The following CD86 variants were observed in gnomAD, a reference collection of about 807,000 sequenced individuals.
The protein encoded by CD86 is CD86 molecule, also known as T-lymphocyte activation antigen CD86.
CD86 carries 11 observed loss-of-function variants against 32.1 expected under a neutral mutation model. The ratio of observed to expected loss-of-function variants is 0.34; its 90% CI spans 0.22 to 0.57. CD86 has a LOEUF of 0.57. Among genes scored for constraint, CD86 ranks in the 20% least tolerant of loss-of-function variants. CD86 has a pLI of 0.86. For synonymous variants in CD86, 137 were observed against 135.3 expected, an observed-to-expected ratio of 1.01 and a Z score of -0.09; for missense variants, 359 against 398.4, an observed-to-expected ratio of 0.90 and a Z score of 0.84.
At chr3:122,092,273 C>G (rs1329569408) in intron 2 of CD86, 1 of 152,294 alleles carries the variant, frequency 6.6e-6, no homozygotes, top group Non-Finnish European at 1.5e-5. Context: ...TTGCACAACC[C>G]TTTCTAAATC....
chr3:122,099,831 C>A (rs780760127), intron 2 of CD86, among the ~76,000 whole-genome samples: 2 of 152,194 alleles, frequency 1.3e-5, no homozygotes, highest in African/African-American at 4.8e-5. Context: ...TGGTGGCTAT[C>A]ATATTGTTCA....
chr3:122,061,153 C>T (rs182508799), intron 1 of CD86, among the ~76,000 whole-genome samples: 28 of 152,226 alleles, frequency 1.8e-4, no homozygotes, highest in Admixed American at 1.3e-3. Context: ...AGTCAATACA[C>T]GCCAGAAAAT....
At chr3:122,072,552 C>A (rs1259888649) in intron 1 of CD86, among the ~76,000 whole-genome samples, 6 of 152,120 alleles carry the variant, frequency 3.9e-5, no homozygotes, top group African/African-American at 1.4e-4. Flanking sequence ...CTGTTCATAT[C>A]CCTTGCCCAC....
At chr3:122,078,975 A>G (rs2072592707) in intron 1 of CD86, among the ~76,000 whole-genome samples, 1 of 152,216 alleles carries the variant, frequency 6.6e-6, no homozygotes, top group African/African-American at 2.4e-5. Flanking sequence ...TATCCTGTGT[A>G]TAATGGAAGC....
At chr3:122,115,364 C>A (rs1576789027) in intron 5 of CD86, among the ~76,000 whole-genome samples, 1 of 151,914 alleles carries the variant, frequency 6.6e-6, no homozygotes, top group Non-Finnish European at 1.5e-5. Context: ...TTAAAGTAAA[C>A]CAAAATAAAT....
At chr3:122,073,401 G>T (rs1416599470) in intron 1 of CD86, among the ~76,000 whole-genome samples, 2 of 151,890 alleles carry the variant, frequency 1.3e-5, no homozygotes, top group Non-Finnish European at 2.9e-5. Context: ...AGAGTTCATT[G>T]TGTATTTTGG....
intron 5 of CD86, among the ~76,000 whole-genome samples, chr3:122,111,721 C>A (rs987110226): frequency 1.3e-5 from 2 of 152,204 alleles, no homozygotes; most frequent in East Asian, 1.9e-4. Flanking sequence ...GAGCTGAATT[C>A]TGCCAAGAGA....
At chr3:122,069,562 G>T (rs1026324367) in intron 1 of CD86, among the ~76,000 whole-genome samples, 1 of 152,140 alleles carries the variant, frequency 6.6e-6, no homozygotes, top group Non-Finnish European at 1.5e-5. Flanking sequence ...TAGTCTTGCC[G>T]CTAGACTGTG....
intron 1 of CD86, among the ~76,000 whole-genome samples, chr3:122,060,134 AG>A (rs555384823): frequency 1.3e-5 from 2 of 152,210 alleles, no homozygotes; most frequent in Non-Finnish European, 2.9e-5. Flanking sequence ...TAAGTGCATC[AG>A]GGAGGAGGGA....
chr3:122,112,305 T>C (rs2073185899), intron 5 of CD86, among the ~76,000 whole-genome samples: 2 of 151,488 alleles, frequency 1.3e-5, no homozygotes, highest in South Asian at 4.2e-4. Flanking sequence ...ATTATTATTA[T>C]TTTTTTTTAA....
At position 122,119,522 on chromosome 3, in the gene CD86, T is replaced by C. The variant is rs1270259718; in HGVS notation, c.978T>C (p.Asp326=). 6.3e-7 allele frequency: 1 copy of C among 1,590,410 alleles called. No homozygotes were observed. The highest frequency in any genetic ancestry group is 8.6e-7 in the Non-Finnish European group (1 of 1,158,754). Reference sequence around the variant, plus strand: ...AGACATCTTCATGCGACAAAAGTGATACATGTTTTTAATTAAAGAGTAAAG... The same window carrying C: ...AGACATCTTCATGCGACAAAAGTGACACATGTTTTTAATTAAAGAGTAAAG... ...SSKTSSCDKS[D]TCF is the part of the protein sequence containing the mutation. The change falls in exon 7 of 7, where the codon GAT becomes GAC. Residue 326 remains aspartate, a synonymous_variant. Coordinates refer to ENST00000330540, the MANE Select transcript of CD86 (RefSeq NM_175862.5).
intron 1 of CD86, among the ~76,000 whole-genome samples, chr3:122,057,715 G>T (rs971906833): frequency 2.0e-5 from 3 of 152,138 alleles, no homozygotes; most frequent in Non-Finnish European, 4.4e-5. Context: ...TTAGCCCTTT[G>T]CATTTATCTT....
At chr3:122,105,291 T>A (rs1237923288) in intron 3 of CD86, among the ~76,000 whole-genome samples, 1 of 152,250 alleles carries the variant, frequency 6.6e-6, no homozygotes, top group Non-Finnish European at 1.5e-5. Flanking sequence ...AAACACGGTC[T>A]GGCAATTCAC....
intron 1 of CD86, among the ~76,000 whole-genome samples, chr3:122,082,634 T>C (rs2072650354): frequency 6.6e-6 from 1 of 152,236 alleles, no homozygotes; most frequent in Non-Finnish European, 1.5e-5. Context: ...ATTTTTATGT[T>C]TACTATGGAT....
intron 2 of CD86, among the ~76,000 whole-genome samples, chr3:122,094,396 T>C (rs933039270): frequency 6.6e-6 from 1 of 152,236 alleles, no homozygotes; most frequent in African/African-American, 2.4e-5. Flanking sequence ...GTTTAAGTTT[T>C]ATGGTGGTGA....
At chr3:122,097,968 G>A (rs1275448708) in intron 2 of CD86, among the ~76,000 whole-genome samples, 1 of 152,132 alleles carries the variant, frequency 6.6e-6, no homozygotes, top group African/African-American at 2.4e-5. Context: ...CATGACTGGC[G>A]GGAGGCTGAG....
intron 5 of CD86, 95 bp from the exon 6 acceptor site, chr3:122,117,953 C>G: frequency 1.0e-6 from 1 of 969,650 alleles, no homozygotes; most frequent in Non-Finnish European, 1.6e-6. Flanking sequence ...AACAATTTCT[C>G]TCTCAGTCCC....
intron 1 of CD86, among the ~76,000 whole-genome samples, chr3:122,060,136 G>T (rs2072311398): frequency 6.6e-6 from 1 of 152,160 alleles, no homozygotes; most frequent in Non-Finnish European, 1.5e-5. Flanking sequence ...AGTGCATCAG[G>T]GAGGAGGGAA....
At chr3:122,099,543 T>C (rs2072963491) in intron 2 of CD86, among the ~76,000 whole-genome samples, 1 of 152,202 alleles carries the variant, frequency 6.6e-6, no homozygotes, top group Non-Finnish European at 1.5e-5. Flanking sequence ...AACTGAATAA[T>C]TTCCTCCAGA....
Sources: gnomAD v4.1 joint callset for allele counts (sites outside exome capture counted in the v4.1 genomes callset) on GRCh38, gnomAD v4.1.1 for gene constraint, MANE v1.5 for transcripts, NCBI Gene and HGNC (gene_info 2026-07-23, HGNC 2026-07-21) for gene names.